Variants in RDX observed in about 807,000 individuals in gnomAD.
RDX encodes deafness, autosomal recessive 24.
RDX carries 32 observed loss-of-function variants against 83.7 expected under a neutral mutation model. That is an observed-to-expected ratio of 0.38 (90% CI 0.29 to 0.51). The LOEUF (loss-of-function observed/expected upper bound fraction) is 0.51, where lower values mean the gene tolerates loss of function less well. Among genes scored for constraint, RDX ranks in the 20% least tolerant of loss-of-function variants. The probability of loss-of-function intolerance (pLI) is 0.87; values close to 1 mark genes in which losing one functional copy is unlikely to be tolerated. For synonymous variants in RDX, 229 were observed against 222.7 expected, an observed-to-expected ratio of 1.03 and a Z score of -0.25; for missense variants, 600 against 689.9, an observed-to-expected ratio of 0.87 and a Z score of 1.46.
chr11:110,239,809 G>T (rs1865008592), intron 10 of RDX, among the ~76,000 whole-genome samples: 3 of 151,070 alleles, frequency 2.0e-5, no homozygotes, highest in Non-Finnish European at 1.5e-5. Flanking sequence ...GGAGGTGGAG[G>T]TTGCCTGGGT....
intron 3 of RDX, among the ~76,000 whole-genome samples, chr11:110,268,952 A>T (rs1328977024): frequency 2.0e-5 from 3 of 149,896 alleles, no homozygotes; most frequent in Admixed American, 6.7e-5. Context: ...AAATGTTTAA[A>T]AATACATATT....
chr11:110,255,674 C>G (rs900643986), intron 7 of RDX, among the ~76,000 whole-genome samples: 2 of 151,800 alleles, frequency 1.3e-5, no homozygotes, highest in African/African-American at 2.4e-5. Flanking sequence ...AGAACTGAGC[C>G]TCCTGGGGTT....
At position 110,251,073 on chromosome 11, in the gene RDX, C is replaced by T. The variant is rs1237278036; in HGVS notation, c.959+2873G>A. On this transcript the variant is annotated intron_variant, in intron 9 of 13. Coordinates refer to ENST00000645495, the MANE Select transcript of RDX (RefSeq NM_002906.4). Reference sequence around the variant, plus strand: ...CTTCTTCTTCTGAACGTATCTCTTGCTCTCTCTAACCTTCAAGCTTCAGTC... The same window carrying T: ...CTTCTTCTTCTGAACGTATCTCTTGTTCTCTCTAACCTTCAAGCTTCAGTC... Among the ~76,000 whole-genome samples, 2 of 152,148 alleles carry T rather than the reference C, an allele frequency of 1.3e-5. 1 individual carries two copies. The highest frequency in any genetic ancestry group is 2.9e-5 in the Non-Finnish European group (2 of 68,022).
chr11:110,240,015 T>C (rs949558879), intron 10 of RDX, among the ~76,000 whole-genome samples: 1 of 151,900 alleles, frequency 6.6e-6, no homozygotes, highest in Non-Finnish European at 1.5e-5. Context: ...ATCCAAAACA[T>C]AGTATCCAGC....
chr11:110,226,916 G>T (rs1565301866), downstream of RDX, among the ~76,000 whole-genome samples: 1 of 152,112 alleles, frequency 6.6e-6, no homozygotes, highest in Non-Finnish European at 1.5e-5. Context: ...TTCCCTGTCA[G>T]TTACTAATTT....
intron 15 of RDX, among the ~76,000 whole-genome samples, chr11:110,178,056 C>T (rs1385896873): frequency 6.6e-6 from 1 of 152,106 alleles, no homozygotes; most frequent in Non-Finnish European, 1.5e-5. Flanking sequence ...CCCACCATGG[C>T]CTCTAGACCC....
intron 5 of RDX, among the ~76,000 whole-genome samples, chr11:110,258,487 C>CT (rs948665386): frequency 1.1e-4 from 17 of 152,006 alleles, no homozygotes; most frequent in Admixed American, 2.6e-4. Flanking sequence ...CCAGGGATCT[C>CT]TTTTTTTTAC....
At chr11:110,242,599 G>A (rs1333667607) in intron 10 of RDX, among the ~76,000 whole-genome samples, 1 of 151,970 alleles carries the variant, frequency 6.6e-6, no homozygotes, top group East Asian at 1.9e-4. Context: ...CATTTTATCA[G>A]CTTTTTGTAA....
At chr11:110,283,354 A>G (rs1443957474) in intron 1 of RDX, among the ~76,000 whole-genome samples, 3 of 152,192 alleles carry the variant, frequency 2.0e-5, no homozygotes, top group Non-Finnish European at 4.4e-5. Flanking sequence ...GGGTTTCACT[A>G]TGTTGCCCAG....
chr11:110,266,180 A>C (rs1259618907), intron 3 of RDX, among the ~76,000 whole-genome samples: 1 of 152,008 alleles, frequency 6.6e-6, no homozygotes, highest in Non-Finnish European at 1.5e-5. Context: ...AAAAAAAAAA[A>C]AAATTAGCTG....
chr11:110,231,967 C>A lies in RDX; in HGVS notation c.1654G>T (p.Ala552Ser). The change falls in exon 14 of 14, where the codon GCT becomes TCT. Residue 552 changes from alanine (A) to serine (S), a missense_variant. Transcript: ENST00000645495. Reference sequence around the variant, plus strand: ...TCACGGCCTGCTTTAACATTCTCAGCATGAAGAACATCATTTTGTGTTTTC... The same window carrying A: ...TCACGGCCTGCTTTAACATTCTCAGAATGAAGAACATCATTTTGTGTTTTC... ...TKKTQNDVLH[A>S]ENVKAGRDKY... 4 of 1,614,116 alleles carry A rather than the reference C, an allele frequency of 2.5e-6. No homozygotes were observed. Among genetic ancestry groups the A allele is most frequent in the Non-Finnish European group, 3.4e-6 (4 of 1,179,998 alleles).
intron 3 of RDX, among the ~76,000 whole-genome samples, chr11:110,268,516 G>A (rs1452518848): frequency 6.6e-6 from 1 of 152,182 alleles, no homozygotes; most frequent in Non-Finnish European, 1.5e-5. Flanking sequence ...AGCGGCAGGA[G>A]TAGTAATGTA....
At chr11:110,199,026 G>C (rs777327934) in intron 15 of RDX, among the ~76,000 whole-genome samples, 10 of 152,010 alleles carry the variant, frequency 6.6e-5, no homozygotes, top group Admixed American at 1.3e-4. Context: ...TGTTGGCCAG[G>C]CTAGTCTCGA....
At chr11:110,242,441 T>G (rs1212294768) in intron 10 of RDX, among the ~76,000 whole-genome samples, 2 of 142,470 alleles carry the variant, frequency 1.4e-5, no homozygotes, top group Non-Finnish European at 3.1e-5. Context: ...TCTCAAAAAA[T>G]TTAAAAAAAA....
At position 110,233,552 on chromosome 11, in the gene RDX, C is replaced by T. The variant is rs936837975; in HGVS notation, c.1345-73G>A. 9 of 1,482,494 alleles carry T rather than the reference C, an allele frequency of 6.1e-6. No homozygotes were observed. The African/African-American group carries it at 1.1e-4, about 18-fold the overall frequency. 91.8% of individuals were successfully genotyped at this position (1,482,494 alleles called of 1,614,324 possible). A position where few individuals can be genotyped will look rare whatever the true frequency, so the allele number is the denominator to read the frequency against. On this transcript the variant is annotated intron_variant, in intron 12 of 13. Transcript: ENST00000645495. ...AATCAAAACAATCAAGTTATACTCCCTTTTTAATAGAAACTGTATTTCAAG... is the reference window on the plus strand; with the variant it reads ...AATCAAAACAATCAAGTTATACTCCTTTTTTAATAGAAACTGTATTTCAAG...
chr11:110,237,926 C>T (rs1009297031), intron 10 of RDX: 8 of 348,544 alleles, frequency 2.3e-5, no homozygotes, highest in South Asian at 6.8e-5. Flanking sequence ...CGCTATACCT[C>T]GTTTCCAACT....
intron 8 of RDX, among the ~76,000 whole-genome samples, chr11:110,254,502 G>C (rs886975570): frequency 1.3e-5 from 2 of 151,162 alleles, no homozygotes; most frequent in African/African-American, 4.9e-5. Flanking sequence ...TTTTGAGACG[G>C]AGTCTTGCTG....
chr11:110,243,098 A>G (rs1159514174), intron 10 of RDX, among the ~76,000 whole-genome samples: 1 of 152,144 alleles, frequency 6.6e-6, no homozygotes, highest in African/African-American at 2.4e-5. Context: ...CCAAAATCCT[A>G]AATTTTTTGA....
intron 1 of RDX, among the ~76,000 whole-genome samples, chr11:110,280,528 C>A (rs1189108572): frequency 4.6e-5 from 7 of 152,260 alleles, no homozygotes; most frequent in Non-Finnish European, 1.0e-4. Flanking sequence ...GGATTACAGG[C>A]ATGCGCCACT....
Sources: allele counts gnomAD v4.1 joint callset (sites outside exome capture counted in the v4.1 genomes callset), GRCh38; gene constraint gnomAD v4.1.1; transcripts MANE v1.5; gene names NCBI Gene and HGNC (gene_info 2026-07-23, HGNC 2026-07-21).